The following NDUFAF6 variants were observed in gnomAD, a reference collection of about 807,000 sequenced individuals.
NDUFAF6 encodes NADH dehydrogenase (ubiquinone) complex I, assembly factor 6.
In NDUFAF6, 45 loss-of-function variants were observed where a neutral mutation model predicts 40.8. The ratio of observed to expected loss-of-function variants is 1.10; its 90% CI spans 0.87 to 1.42. The LOEUF (loss-of-function observed/expected upper bound fraction) is 1.42, where lower values mean the gene tolerates loss of function less well. NDUFAF6 is among the 40% of genes most tolerant of loss of function. NDUFAF6 has a pLI of 0.00. For synonymous variants in NDUFAF6, 185 were observed against 155.9 expected, an observed-to-expected ratio of 1.19 and a Z score of -1.39; for missense variants, 435 against 418.5, an observed-to-expected ratio of 1.04 and a Z score of -0.34.
At chr8:95,076,326 G>A (rs1833016218), downstream of NDUFAF6, among the ~76,000 whole-genome samples, 1 of 151,964 alleles carries the variant, frequency 6.6e-6, no homozygotes. Context: ...CCTCACCCAG[G>A]CACTCAGGGC....
Position 94,902,247 on chromosome 8 carries a change from T to TGTCTAAAA in NDUFAF6, c.-936+6320_-936+6321insGTCTAAAA, listed in dbSNP as rs1178291541. Among the ~76,000 whole-genome samples the TGTCTAAAA allele has an allele frequency of 9.9e-3, 432 of 43,582 alleles. 4 individuals are homozygous for TGTCTAAAA. Among genetic ancestry groups the TGTCTAAAA allele is most frequent in the Non-Finnish European group, 0.015 (335 of 22,518 alleles). 28.6% of individuals were successfully genotyped at this position (43,582 alleles called of 152,430 possible). On this transcript the variant is annotated intron_variant, in intron 1 of 14. Coordinates refer to the NDUFAF6 transcript ENST00000396113. ...CAGCCTGGCCAACATGATGAAACTC[T>TGTCTAAAA]ATCAAAAAAACAAAAACAAAAATTA...
intron 2 of NDUFAF6, among the ~76,000 whole-genome samples, chr8:95,082,904 C>T (rs1019990265): frequency 8.5e-5 from 13 of 152,126 alleles, no homozygotes; most frequent in Non-Finnish European, 1.8e-4. Flanking sequence ...TCGTGATCCC[C>T]CGCCTCGGCC....
intron 2 of NDUFAF6, among the ~76,000 whole-genome samples, chr8:95,007,125 T>C (rs1409714824): frequency 6.6e-6 from 1 of 152,146 alleles, no homozygotes; most frequent in African/African-American, 2.4e-5. Context: ...TGCTACCTCA[T>C]GGAAGTATTT....
intron 2 of NDUFAF6, among the ~76,000 whole-genome samples, chr8:95,094,121 C>T (rs1157744495): frequency 6.6e-6 from 1 of 152,120 alleles, no homozygotes; most frequent in Non-Finnish European, 1.5e-5. Context: ...CAGGCATGCA[C>T]CACCACGCTT....
chr8:94,974,261 A>C (rs182546864), intron 1 of NDUFAF6, among the ~76,000 whole-genome samples: 187 of 151,828 alleles, frequency 1.2e-3, no homozygotes, highest in African/African-American at 4.1e-3. Context: ...AAAAAAAAAA[A>C]CCACAGTAAA....
chr8:94,991,550 G>C (rs1826192303), intron 2 of NDUFAF6, among the ~76,000 whole-genome samples: 1 of 152,156 alleles, frequency 6.6e-6, no homozygotes, highest in Non-Finnish European at 1.5e-5. Flanking sequence ...GCTTATGTAT[G>C]TAAATGAGAA....
intron 1 of NDUFAF6, among the ~76,000 whole-genome samples, chr8:94,961,098 C>T (rs1278062603): frequency 1.3e-5 from 2 of 152,270 alleles, no homozygotes; most frequent in African/African-American, 2.4e-5. Context: ...GGAATTTTGA[C>T]GAACAATACA....
downstream of NDUFAF6, among the ~76,000 whole-genome samples, chr8:95,078,301 G>A (rs939428044): frequency 1.3e-5 from 2 of 152,092 alleles, no homozygotes; most frequent in African/African-American, 4.8e-5. Context: ...AATGCATAAT[G>A]TCATGTATCC....
intron 3 of NDUFAF6, among the ~76,000 whole-genome samples, chr8:95,040,370 T>C (rs1270401300): frequency 6.6e-6 from 1 of 152,256 alleles, no homozygotes; most frequent in African/African-American, 2.4e-5. Context: ...CAATTTTGCC[T>C]GGTTTTCCCA....
At chr8:94,898,240 T>C (rs967821791) in intron 1 of NDUFAF6, among the ~76,000 whole-genome samples, 13 of 152,360 alleles carry the variant, frequency 8.5e-5, no homozygotes, top group African/African-American at 3.1e-4. Flanking sequence ...GTCCATACTT[T>C]ATTCCTATGT....
At chr8:94,994,562 G>A (rs1171196509) in intron 2 of NDUFAF6, among the ~76,000 whole-genome samples, 4 of 151,766 alleles carry the variant, frequency 2.6e-5, no homozygotes, top group South Asian at 2.1e-4. Flanking sequence ...GATGGACTTC[G>A]GTGGCTCATG....
downstream of NDUFAF6, among the ~76,000 whole-genome samples, chr8:95,081,087 A>G (rs1808845298): frequency 6.6e-6 from 1 of 151,468 alleles, no homozygotes; most frequent in African/African-American, 2.4e-5. Flanking sequence ...AGAGTGAACA[A>G]AAGTCAGCAC....
chr8:95,022,158 T>C (rs1827716545), upstream of NDUFAF6, among the ~76,000 whole-genome samples: 1 of 152,138 alleles, frequency 6.6e-6, no homozygotes, highest in African/African-American at 2.4e-5. Flanking sequence ...ATTAAAAATG[T>C]TTATGAAGGT....
intron 1 of NDUFAF6, among the ~76,000 whole-genome samples, chr8:94,971,795 G>A (rs1824485786): frequency 6.6e-6 from 1 of 152,140 alleles, no homozygotes; most frequent in African/African-American, 2.4e-5. Context: ...AAAATTGGCA[G>A]GGTGTGGTGG....
chr8:95,108,523 A>T (rs566728899), intron 4 of NDUFAF6, among the ~76,000 whole-genome samples: 1 of 152,270 alleles, frequency 6.6e-6, no homozygotes, highest in East Asian at 1.9e-4. Flanking sequence ...TAGAGACAAA[A>T]AGTAGAACAG....
chr8:94,971,209 C>T (rs895138356), intron 1 of NDUFAF6, among the ~76,000 whole-genome samples: 1 of 152,230 alleles, frequency 6.6e-6, no homozygotes, highest in Non-Finnish European at 1.5e-5. Flanking sequence ...TGATGCTGCC[C>T]AGAGGCAATA....
At chr8:94,934,149 GA>G (rs141439112) in intron 1 of NDUFAF6, among the ~76,000 whole-genome samples, 114,726 of 148,330 alleles carry the variant, frequency 0.77, 45,619 homozygotes, top group East Asian at 0.89. Flanking sequence ...TACAGGCACA[GA>G]AAAAAAAAAA....
chr8:94,968,077 C>T (rs1330161779), intron 1 of NDUFAF6, among the ~76,000 whole-genome samples: 1 of 152,182 alleles, frequency 6.6e-6, no homozygotes, highest in African/African-American at 2.4e-5. Flanking sequence ...CCAGAGATGT[C>T]AGCTCATTGC....
chr8:95,078,662 A>AAAAAATATATATATATATATATAT (rs545018367), downstream of NDUFAF6: 2 of 121,052 alleles, frequency 1.7e-5, no homozygotes, highest in African/African-American at 6.6e-5. Context: ...AAAAAAAAAA[A>AAAAAATATATATATATATATATAT]ATATATATAT....
Sources: gnomAD v4.1 joint callset for allele counts (sites outside exome capture counted in the v4.1 genomes callset) on GRCh38, gnomAD v4.1.1 for gene constraint, MANE v1.5 for transcripts, NCBI Gene and HGNC (gene_info 2026-07-23, HGNC 2026-07-21) for gene names.